NCOR2: variants seen among roughly 807,000 people sequenced by gnomAD.
NCOR2 encodes the protein CTG repeat protein 26.
NCOR2 carries 81 observed loss-of-function variants against 262.9 expected under a neutral mutation model. The ratio of observed to expected loss-of-function variants is 0.31; its 90% confidence interval spans 0.26 to 0.37. The LOEUF is 0.37. NCOR2 is among the 10% of genes least tolerant of loss of function. The pLI, the probability that NCOR2 is intolerant of heterozygous loss-of-function variation, is 1.00. For synonymous variants in NCOR2, 1,659 were observed against 1,559.3 expected (o/e 1.06, Z -1.51); for missense variants, 3,385 against 3,621.4 (o/e 0.93, Z 1.68).
chr12:124,395,932 C>A (rs1009870399), intron 16 of NCOR2, among the ~76,000 whole-genome samples: 1 of 152,194 alleles, frequency 6.6e-6, no homozygotes, highest in South Asian at 2.1e-4. Flanking sequence ...TTCACAACAG[C>A]CACATGGAAA....
intron 7 of NCOR2, among the ~76,000 whole-genome samples, chr12:124,447,300 A>G (rs1300552866): frequency 1.3e-5 from 2 of 152,246 alleles, no homozygotes; most frequent in African/African-American, 2.4e-5. Flanking sequence ...TTTAGTCAAA[A>G]TGCACTTCAA....
intron 8 of NCOR2, among the ~76,000 whole-genome samples, chr12:124,434,948 C>A (rs1256311150): frequency 6.6e-6 from 1 of 152,198 alleles, no homozygotes; most frequent in Non-Finnish European, 1.5e-5. Flanking sequence ...GGATTCTTTA[C>A]TACAAATACA....
chr12:124,463,706 T>C (rs192476424), intron 5 of NCOR2, among the ~76,000 whole-genome samples: 281 of 152,348 alleles, frequency 1.8e-3, no homozygotes, highest in Middle Eastern at 3.4e-3. Context: ...AATTTAATCC[T>C]ACTGATCCCC....
chr12:124,552,250 G>A (rs923584835), intron 1 of NCOR2, among the ~76,000 whole-genome samples: 2 of 151,580 alleles, frequency 1.3e-5, no homozygotes, highest in African/African-American at 4.8e-5. Flanking sequence ...GAGCCTGGGA[G>A]GTCGAGGCTG....
In NCOR2 at chr12:124,532,560, G is replaced by A. The variant is rs138084468; in HGVS notation, c.-118+3005C>T. 1.4e-3 allele frequency among the ~76,000 whole-genome samples: 216 copies of A among 152,280 alleles called. 4 individuals carry two copies. The East Asian group carries it at 0.037, about 26-fold the overall frequency. ...CACTCCACCGTCTGTCTGCCTTCCC[G>A]GCCTCCCTCAGATGTGATGGATCGC... On this transcript the variant is annotated intron_variant, in intron 1 of 46. Transcript: ENST00000404621.
chr12:124,345,886 G>A (rs1566373488), intron 31 of NCOR2, among the ~76,000 whole-genome samples: 2 of 152,122 alleles, frequency 1.3e-5, no homozygotes, highest in Non-Finnish European at 1.5e-5. Context: ...TTCACAAGAG[G>A]CCACCTCTGC....
chr12:124,400,710 C>G (rs367627827), intron 14 of NCOR2, 37 bp from the exon 17 acceptor site: 4 of 1,602,172 alleles, frequency 2.5e-6, no homozygotes, highest in Non-Finnish European at 3.4e-6. Context: ...TGGCTTCACC[C>G]GAGCCGGGAA....
intron 17 of NCOR2, among the ~76,000 whole-genome samples, chr12:124,382,331 C>T (rs2040470177): frequency 6.6e-6 from 1 of 152,218 alleles, no homozygotes; most frequent in Admixed American, 6.5e-5. Flanking sequence ...GTCCCTGCAT[C>T]TGCTCCGCTT....
chr12:124,546,165 G>A (rs895015315), intron 1 of NCOR2, among the ~76,000 whole-genome samples: 1 of 152,154 alleles, frequency 6.6e-6, no homozygotes, highest in Non-Finnish European at 1.5e-5. Flanking sequence ...TGGGCACGTG[G>A]CTTAACCCTT....
exon 26 of NCOR2, chr12:124,354,505 T>A: frequency 7.6e-6 from 12 of 1,586,636 alleles, no homozygotes; most frequent in Non-Finnish European, 1.0e-5. Flanking sequence ...TCCTGGGCTG[T>A]GGGCACCCCC....
chr12:124,359,714 C>A (rs2038366054), intron 22 of NCOR2, among the ~76,000 whole-genome samples: 1 of 152,230 alleles, frequency 6.6e-6, no homozygotes, highest in South Asian at 2.1e-4. Flanking sequence ...GGAAGGCAAA[C>A]TGGGGCTAGG....
rs948865770 is a variant in NCOR2 at position 124,531,619 on chromosome 12, G to C, written c.-118+3946C>G. ...AGAGGAGGATGGCAGAGAGGGAAGG[G>C]TGGTGGCGCAGACAGGGAAGGGCAG... On this transcript the variant is annotated intron_variant, in intron 1 of 46. Transcript: ENST00000404621. The surrounding 1 kb of genome is among the most constrained non-coding windows in gnomAD (Gnocchi z 4.5). Among the ~76,000 whole-genome samples the C allele has an allele frequency of 6.6e-6, 1 of 151,928 alleles. No homozygotes were observed. Among genetic ancestry groups the C allele is most frequent in the Non-Finnish European group, 1.5e-5 (1 of 67,954 alleles).
exon 42 of NCOR2, chr12:124,333,215 G>A: frequency 6.2e-7 from 1 of 1,613,174 alleles, no homozygotes; most frequent in Non-Finnish European, 8.5e-7. Context: ...CCCTCCGGTG[G>A]GGACACAGGT....
chr12:124,530,036 C>T (rs1182147489), intron 1 of NCOR2: 1 of 152,112 alleles, frequency 6.6e-6, no homozygotes, highest in African/African-American at 2.4e-5. Context: ...AGCTTTATTC[C>T]CAATAGCCAA....
chr12:124,529,824 A>G lies in NCOR2; in HGVS notation c.-118+5741T>C, dbSNP rs1371111663. ...AAAAGATTGACAGTAGCAAGTGCTGACAAGGATGGGGAGCAACTGGAACTC... is the reference window on the plus strand; with the variant it reads ...AAAAGATTGACAGTAGCAAGTGCTGGCAAGGATGGGGAGCAACTGGAACTC... On this transcript the variant is annotated intron_variant, in intron 1 of 46. Transcript: ENST00000404621. 4 of 152,290 alleles carry G rather than the reference A, an allele frequency of 2.6e-5. 1 individual carries two copies. The highest frequency in any genetic ancestry group is 2.6e-4 in the Admixed American group (4 of 15,292). 9.4% of individuals were successfully genotyped at this position (152,290 alleles called of 1,614,324 possible). A position where few individuals can be genotyped will look rare whatever the true frequency, so the allele number is the denominator to read the frequency against.
At chr12:124,567,609 T>TGGCGGCGGC (rs574345580), upstream of NCOR2, 21 of 143,978 alleles carry the variant, frequency 1.5e-4, 1 homozygote, top group South Asian at 5.5e-4. Flanking sequence ...GCGGCGGCGG[T>TGGCGGCGGC]GGCGGCGGCG....
At chr12:124,407,561 A>T (rs1249460695) in intron 13 of NCOR2, among the ~76,000 whole-genome samples, 1 of 152,172 alleles carries the variant, frequency 6.6e-6, no homozygotes, top group African/African-American at 2.4e-5. Flanking sequence ...GACCCACCCC[A>T]TGTTAAAGAG....
chr12:124,416,933 A>G (rs1189225919), intron 13 of NCOR2, among the ~76,000 whole-genome samples: 1 of 152,224 alleles, frequency 6.6e-6, no homozygotes, highest in Non-Finnish European at 1.5e-5. Flanking sequence ...ATGGCTCTGA[A>G]CAACCAGCAT....
chr12:124,340,221 G>A lies in NCOR2; in HGVS notation c.5489-17C>T. On this transcript the variant is annotated splice_polypyrimidine_tract_variant and intron_variant, in intron 36 of 46. Coordinates refer to ENST00000405201, the Ensembl canonical transcript of NCOR2. Reference sequence around the variant, plus strand: ...GCTCTGTACCTGGTGACAGTCAGTGGCATCAGCAGGGGGAGGCCTCTTGCG... The same window carrying A: ...GCTCTGTACCTGGTGACAGTCAGTGACATCAGCAGGGGGAGGCCTCTTGCG... The A allele has an allele frequency of 6.2e-7, 1 of 1,605,500 alleles. No homozygotes were observed. Among genetic ancestry groups the A allele is most frequent in the Non-Finnish European group, 8.5e-7 (1 of 1,177,342 alleles).
Sources: gnomAD v4.1 joint callset for allele counts (sites outside exome capture counted in the v4.1 genomes callset) on GRCh38, gnomAD v4.1.1 for gene constraint, Gnocchi (gnomAD v3.1) non-coding constraint, MANE v1.5 for transcripts, NCBI Gene and HGNC (gene_info 2026-07-23, HGNC 2026-07-21) for gene names.